CNDP1: variants seen among roughly 807,000 people sequenced by gnomAD.
CNDP1 encodes the protein beta-Ala-His dipeptidase.
In CNDP1, 44 loss-of-function variants were observed where a neutral mutation model predicts 58.1. The ratio of observed to expected loss-of-function variants is 0.76; its 90% CI spans 0.60 to 0.97. The LOEUF is 0.97. Ranked by LOEUF, CNDP1 falls within the 50% of genes least tolerant of loss-of-function variation. CNDP1 has a pLI of 0.00. For synonymous variants in CNDP1, 254 were observed against 252.6 expected (o/e 1.01, Z -0.05); for missense variants, 616 against 655.1 (o/e 0.94, Z 0.65).
intron 1 of CNDP1, among the ~76,000 whole-genome samples, chr18:74,536,998 T>C (rs1980501423): frequency 6.6e-6 from 1 of 152,246 alleles, no homozygotes; most frequent in African/African-American, 2.4e-5. Flanking sequence ...TGTTTTTTCT[T>C]GTAAATTTGT....
rs562439016 is a variant in CNDP1, at chr18:74,574,582, C to T, written c.842-2287C>T. 4.6e-5 allele frequency among the ~76,000 whole-genome samples: 7 copies of T among 152,330 alleles called. 1 individual carries two copies. In the South Asian group the frequency reaches 1.5e-3, roughly 32 times the overall value. ...GTTTTCAAAGGCACCTTCTGCCTTC[C>T]CCGCACTTCCCAAGAAGGCTGTGGT... On this transcript the variant is annotated intron_variant, in intron 7 of 11. Transcript: ENST00000358821.
At position 74,544,241 on chromosome 18, in the gene CNDP1, G is replaced by T. The variant is rs1312478741; in HGVS notation, c.24+9550G>T. ...CACTCCAGCCTGGGCAACAGAGGGAGACTCTGTCTCAAAAAATAAATACGT... is the reference window on the plus strand; with the variant it reads ...CACTCCAGCCTGGGCAACAGAGGGATACTCTGTCTCAAAAAATAAATACGT... On this transcript the variant is annotated intron_variant, in intron 1 of 11. Transcript: ENST00000358821. 4.6e-5 allele frequency among the ~76,000 whole-genome samples: 7 copies of T among 152,156 alleles called. No homozygotes were observed. The South Asian group carries it at 1.5e-3, about 32-fold the overall frequency.
intron 7 of CNDP1, among the ~76,000 whole-genome samples, chr18:74,575,073 A>C (rs1471137756): frequency 2.6e-5 from 4 of 150,980 alleles, no homozygotes; most frequent in Non-Finnish European, 5.9e-5. Context: ...AGAAAGAAGG[A>C]AGGAAAGAAA....
intron 7 of CNDP1, 53 bp downstream of exon 7, chr18:74,571,323 A>AGCTCTACTTGATTTTATGTG: frequency 8.1e-7 from 1 of 1,240,984 alleles, no homozygotes; most frequent in East Asian, 2.3e-5. Context: ...ACTAAAAGAC[A>AGCTCTACTTGATTTTATGTG]GCTCTACTTG....
chr18:74,542,571 G>A (rs952677707), intron 1 of CNDP1, among the ~76,000 whole-genome samples: 2 of 151,952 alleles, frequency 1.3e-5, no homozygotes, highest in African/African-American at 2.4e-5. Flanking sequence ...CAAAGCAATT[G>A]CATATACTTC....
At chr18:74,542,831 T>G (rs1164658577) in intron 1 of CNDP1, among the ~76,000 whole-genome samples, 1 of 152,170 alleles carries the variant, frequency 6.6e-6, no homozygotes, top group Non-Finnish European at 1.5e-5. Context: ...ACTAGAACAC[T>G]GTTTGAGAAC....
rs1411089182 is a variant in CNDP1, at chr18:74,583,593, G to A, written c.1342G>A (p.Gly448Arg). 1.2e-6 allele frequency: 2 copies of A among 1,614,136 alleles called. No individual in the cohort carries two copies. Among genetic ancestry groups the A allele is most frequent in the Non-Finnish European group, 1.7e-6 (2 of 1,179,998 alleles). The change falls in exon 11 of 12, where the codon GGA becomes AGA. Residue 448 changes from glycine to arginine, a missense_variant. Transcript: ENST00000358821. ...FGTEPDMIRD[G>R]STIPIAKMFQ... Reference sequence around the variant, plus strand: ...AACAGAACCAGATATGATCCGGGATGGATCCACCATTCCAATTGCCAAAAT... The same window carrying A: ...AACAGAACCAGATATGATCCGGGATAGATCCACCATTCCAATTGCCAAAAT...
Position 74,556,332 on chromosome 18 carries a change from T to C in CNDP1, c.25-6T>C. The C allele has an allele frequency of 6.2e-7, 1 of 1,612,340 alleles. No homozygotes were observed. Among genetic ancestry groups the C allele is most frequent in the Non-Finnish European group, 8.5e-7 (1 of 1,179,786 alleles). On this transcript the variant is annotated splice_region_variant and splice_polypyrimidine_tract_variant and intron_variant, in intron 1 of 11. Transcript: ENST00000358821. ...CATTCGTTCCTCCCATGTCAAACCC[T>C]TCCAGGCTGCGTCCCTGCTGGCTGT...
intron 1 of CNDP1, among the ~76,000 whole-genome samples, chr18:74,548,737 T>C (rs1027085215): frequency 1.3e-5 from 2 of 152,194 alleles, no homozygotes; most frequent in African/African-American, 2.4e-5. Flanking sequence ...TGGTTAATGG[T>C]TGTGACCAAA....
chr18:74,547,172 AG>A (rs1980782309), intron 1 of CNDP1, among the ~76,000 whole-genome samples: 1 of 152,240 alleles, frequency 6.6e-6, no homozygotes, highest in Non-Finnish European at 1.5e-5. Context: ...TGTGATGGTG[AG>A]ATAAGCTAGG....
rs1330632492 is a variant in CNDP1, at chr18:74,534,762, C to T, written c.24+71C>T. On this transcript the variant is annotated intron_variant, in intron 1 of 11. Coordinates refer to ENST00000358821, the MANE Select transcript of CNDP1 (RefSeq NM_032649.6). Reference sequence around the variant, plus strand: ...ATTCCATTTGTCCCGGGAGCATGTGCGTTAAGCCCAGTTGGGCAGGGCAGG... The same window carrying T: ...ATTCCATTTGTCCCGGGAGCATGTGTGTTAAGCCCAGTTGGGCAGGGCAGG... 25 of 1,582,756 alleles carry T rather than the reference C, an allele frequency of 1.6e-5. No homozygotes were observed. The East Asian group carries it at 1.8e-4, about 11-fold the overall frequency.
At chr18:74,579,117 T>G (rs1177797920) in intron 9 of CNDP1, among the ~76,000 whole-genome samples, 3 of 142,520 alleles carry the variant, frequency 2.1e-5, no homozygotes, top group African/African-American at 7.9e-5. Context: ...CTTCCCTCCC[T>G]CCTTCCTTCC....
chr18:74,586,916 A>G lies in CNDP1; in HGVS notation c.*2354A>G, dbSNP rs1363932128. 2 of 152,228 alleles carry G rather than the reference A, an allele frequency of 1.3e-5. No homozygotes were observed. The highest frequency in any genetic ancestry group is 4.8e-5 in the African/African-American group (2 of 41,456). The allele number at this position is 152,228 out of a possible 1,614,324, so 9.4% of individuals were successfully genotyped here. On this transcript the variant is annotated 3_prime_UTR_variant, in exon 12 of 12. Coordinates refer to ENST00000358821, the MANE Select transcript of CNDP1 (RefSeq NM_032649.6). ...GGAGGCAAAAAAGGGAGAAATTTAA[A>G]TATTTGTTTTTTAACATTTTAATGA...
chr18:74,575,025 A>G (rs1217286589), intron 7 of CNDP1, among the ~76,000 whole-genome samples: 7 of 141,200 alleles, frequency 5.0e-5, no homozygotes, highest in Non-Finnish European at 1.1e-4. Flanking sequence ...AAGGAAAGGA[A>G]GGGAGGGATG....
intron 6 of CNDP1, among the ~76,000 whole-genome samples, chr18:74,568,620 A>G (rs898016247): frequency 6.6e-6 from 1 of 152,148 alleles, no homozygotes; most frequent in South Asian, 2.1e-4. Flanking sequence ...AGGGGAAGAA[A>G]ATAACCTCTT....
intron 3 of CNDP1, among the ~76,000 whole-genome samples, chr18:74,560,010 C>CTTTTTTTTTTTT (rs398033526): frequency 2.5e-5 from 3 of 121,304 alleles, no homozygotes; most frequent in East Asian, 2.6e-4. Context: ...CATCTGCATT[C>CTTTTTTTTTTTT]TTTTTTTTTT....
At chr18:74,580,424 C>T (rs1425190501) in intron 10 of CNDP1, among the ~76,000 whole-genome samples, 153 bp downstream of exon 10, 1 of 152,252 alleles carries the variant, frequency 6.6e-6, no homozygotes, top group Non-Finnish European at 1.5e-5. Flanking sequence ...ATGTGCAGGG[C>T]ACGCTATACA....
chr18:74,561,996 C>T, intron 4 of CNDP1, 51 bp from the exon 5 acceptor site: 4 of 1,494,326 alleles, frequency 2.7e-6, no homozygotes, highest in Non-Finnish European at 3.7e-6. Flanking sequence ...TTTTAACTCA[C>T]ATGGCAGAGG....
intron 5 of CNDP1, among the ~76,000 whole-genome samples, chr18:74,564,537 A>G (rs1316888237): frequency 1.3e-5 from 2 of 152,220 alleles, no homozygotes; most frequent in African/African-American, 4.8e-5. Context: ...ACAATCTTTC[A>G]AAGGAAAATG....
Sources: allele counts gnomAD v4.1 joint callset (sites outside exome capture counted in the v4.1 genomes callset), GRCh38; gene constraint gnomAD v4.1.1; transcripts MANE v1.5; gene names NCBI Gene and HGNC (gene_info 2026-07-23, HGNC 2026-07-21).